The following MIA2 variants were observed in gnomAD, a reference collection of about 807,000 sequenced individuals.
MIA2 encodes melanoma inhibitory activity protein 2.
Under a neutral mutation model 167.8 loss-of-function variants are expected in MIA2, and 127 were observed. The ratio of observed to expected loss-of-function variants is 0.76; its 90% CI spans 0.66 to 0.88. MIA2 has a LOEUF of 0.88. MIA2 is among the 40% of genes least tolerant of loss of function. The pLI is 0.00. For missense variants in MIA2, 1,690 were observed against 1,624.7 expected (o/e 1.04, Z -0.69); for synonymous variants, 552 against 541.9 (o/e 1.02, Z -0.26).
At chr14:39,385,334 A>AC in intron 23 of MIA2, 1 of 782,878 alleles carries the variant, frequency 1.3e-6, no homozygotes, top group African/African-American at 1.7e-5. Flanking sequence ...TAAAAAAAAA[A>AC]GTTCAGGTTA....
intron 3 of MIA2, among the ~76,000 whole-genome samples, chr14:39,241,866 C>G (rs1286856882): frequency 6.6e-6 from 1 of 152,134 alleles, no homozygotes; most frequent in East Asian, 1.9e-4. Context: ...GTCTCTGGTG[C>G]CACTCTCCCC....
chr14:39,271,040 G>A (rs2152704768), intron 6 of MIA2, among the ~76,000 whole-genome samples: 1 of 152,270 alleles, frequency 6.6e-6, no homozygotes, highest in South Asian at 2.1e-4. Flanking sequence ...CGTTGCTTAA[G>A]ACAAGGTTAC....
At position 39,306,496 on chromosome 14, in the gene MIA2, A is replaced by G. The variant is rs140170214; in HGVS notation, c.2879-1953A>G. ...AGAACTCTATCATCTAGGGGGAGAC[A>G]GCGCTAGGAGGATGGTGATAAACCA... On this transcript the variant is annotated intron_variant, in intron 17 of 28. Coordinates refer to ENST00000640607, the MANE Select transcript of MIA2 (RefSeq NM_001329214.4). Among the ~76,000 whole-genome samples the G allele has an allele frequency of 6.6e-3, 1,000 of 152,260 alleles. 6 individuals are homozygous for G. The highest frequency in any genetic ancestry group is 0.01 in the Non-Finnish European group (703 of 68,010).
intron 3 of MIA2, among the ~76,000 whole-genome samples, chr14:39,244,467 G>A (rs1306888006): frequency 1.3e-5 from 2 of 152,148 alleles, no homozygotes; most frequent in East Asian, 3.8e-4. Flanking sequence ...TAGATGGCAG[G>A]GTTGGGCATT....
At chr14:39,241,994 A>T (rs541611893) in intron 3 of MIA2, among the ~76,000 whole-genome samples, 1 of 152,276 alleles carries the variant, frequency 6.6e-6, no homozygotes, top group Admixed American at 6.5e-5. Context: ...CTTTCCCCAA[A>T]TACTTCACTT....
At chr14:39,267,038 A>G in intron 6 of MIA2, 1 of 1,024,832 alleles carries the variant, frequency 9.8e-7, no homozygotes, top group Non-Finnish European at 1.2e-6. Context: ...TGGCTTCGCC[A>G]GGTAGAGCGC....
intron 6 of MIA2, among the ~76,000 whole-genome samples, chr14:39,274,589 C>T (rs2057664517): frequency 6.6e-6 from 1 of 150,800 alleles, no homozygotes; most frequent in Non-Finnish European, 1.5e-5. Flanking sequence ...CCATGCCCAG[C>T]TAATTTTTGT....
chr14:39,254,859 T>C (rs1030916380), intron 6 of MIA2, among the ~76,000 whole-genome samples: 5 of 152,228 alleles, frequency 3.3e-5, no homozygotes, highest in Non-Finnish European at 5.9e-5. Flanking sequence ...TCGAAATGAT[T>C]GGAAGGACAA....
chr14:39,250,571 C>G (rs2054517591), intron 4 of MIA2, among the ~76,000 whole-genome samples: 1 of 151,912 alleles, frequency 6.6e-6, no homozygotes, highest in Non-Finnish European at 1.5e-5. Flanking sequence ...TGGTGTGCCC[C>G]TGTAATCCCA....
chr14:39,237,155 C>G (rs949792463), intron 2 of MIA2, 100 bp downstream of exon 2: 1 of 1,334,818 alleles, frequency 7.5e-7, no homozygotes, highest in Non-Finnish European at 1.0e-6. Flanking sequence ...GGGCCTGGCT[C>G]TGTCGCCCAG....
chr14:39,383,535 A>C (rs1290845995), intron 23 of MIA2, among the ~76,000 whole-genome samples: 1 of 152,194 alleles, frequency 6.6e-6, no homozygotes, highest in African/African-American at 2.4e-5. Context: ...CTACGTGTTC[A>C]GGTGATAGGA....
intron 18 of MIA2, 111 bp from the exon 19 acceptor site, chr14:39,313,229 G>A (rs2064674510): frequency 2.0e-6 from 1 of 507,850 alleles, no homozygotes; most frequent in Admixed American, 3.6e-5. Context: ...GTTTTCAGTG[G>A]TATTTTAGAA....
intron 13 of MIA2, among the ~76,000 whole-genome samples, chr14:39,299,068 TAAAAAAA>T (rs3065043): frequency 1.8e-4 from 8 of 44,002 alleles, no homozygotes; most frequent in African/African-American, 2.5e-4. Flanking sequence ...TCCCTGCCTC[TAAAAAAA>T]AAAAAAAAAA....
intron 3 of MIA2, among the ~76,000 whole-genome samples, chr14:39,243,470 C>T (rs1345477266): frequency 6.6e-6 from 1 of 152,198 alleles, no homozygotes; most frequent in Non-Finnish European, 1.5e-5. Flanking sequence ...AAATTTCCCT[C>T]TGAAAGTCAG....
At chr14:39,256,947 C>A (rs2054841768) in intron 6 of MIA2, among the ~76,000 whole-genome samples, 1 of 152,144 alleles carries the variant, frequency 6.6e-6, no homozygotes, top group South Asian at 2.1e-4. Context: ...ATCCTGAGTT[C>A]TAGTTTGATT....
intron 7 of MIA2, among the ~76,000 whole-genome samples, chr14:39,277,724 A>ATATATATATATATATATATATGTGTG (rs2058310855): frequency 3.3e-4 from 1 of 3,074 alleles, no homozygotes; most frequent in Non-Finnish European, 7.8e-4. Flanking sequence ...ATGTGTGTAT[A>ATATATATATATATATATATATGTGTG]TATATATATA....
intron 13 of MIA2, among the ~76,000 whole-genome samples, chr14:39,299,247 G>A (rs1041686195): frequency 6.8e-6 from 1 of 147,084 alleles, no homozygotes; most frequent in East Asian, 2.1e-4. Flanking sequence ...TCCTGTAAAA[G>A]TATATATAGT....
intron 6 of MIA2, among the ~76,000 whole-genome samples, chr14:39,259,674 G>A (rs1251923773): frequency 1.3e-5 from 2 of 149,178 alleles, no homozygotes; most frequent in Non-Finnish European, 3.0e-5. Context: ...GGGATTACAG[G>A]CATGTGCCAC....
intron 6 of MIA2, chr14:39,267,140 C>G (rs918162895): frequency 3.5e-6 from 4 of 1,152,590 alleles, no homozygotes; most frequent in Non-Finnish European, 4.3e-6. Flanking sequence ...CCCGCCTTCT[C>G]GCGGCTGCCC....
Sources: gnomAD v4.1 joint callset for allele counts (sites outside exome capture counted in the v4.1 genomes callset) on GRCh38, gnomAD v4.1.1 for gene constraint, MANE v1.5 for transcripts, NCBI Gene and HGNC (gene_info 2026-07-23, HGNC 2026-07-21) for gene names.